The following ERBB4 variants were observed in gnomAD, a reference collection of about 807,000 sequenced individuals.
ERBB4 encodes receptor tyrosine-protein kinase erbB-4.
Under a neutral mutation model 158.0 loss-of-function variants are expected in ERBB4, and 42 were observed. That is an observed-to-expected ratio of 0.27 (90% CI 0.21 to 0.34). The LOEUF is 0.34. Ranked by LOEUF, ERBB4 falls within the 10% of genes least tolerant of loss-of-function variation. The pLI, the probability that ERBB4 is intolerant of heterozygous loss-of-function variation, is 1.00. For missense variants in ERBB4, 1,333 were observed against 1,624.1 expected, an observed-to-expected ratio of 0.82 and a Z score of 3.08; for synonymous variants, 583 against 558.7, an observed-to-expected ratio of 1.04 and a Z score of -0.61.
intron 20 of ERBB4, among the ~76,000 whole-genome samples, chr2:211,454,242 T>A (rs1309288992): frequency 6.6e-6 from 1 of 152,198 alleles, no homozygotes; most frequent in Non-Finnish European, 1.5e-5. Context: ...ATGTGGAATA[T>A]CTTCCATTAA....
At chr2:212,147,149 C>T (rs1394123178) in intron 1 of ERBB4, among the ~76,000 whole-genome samples, 2 of 132,334 alleles carry the variant, frequency 1.5e-5, no homozygotes, top group African/African-American at 5.9e-5. Flanking sequence ...TGCCACCATG[C>T]CCAGCTAATT....
At chr2:211,899,423 T>C (rs2079178051) in intron 3 of ERBB4, among the ~76,000 whole-genome samples, 2 of 152,106 alleles carry the variant, frequency 1.3e-5, no homozygotes, top group African/African-American at 4.8e-5. Context: ...CCAGTAACAT[T>C]TTATATGACA....
intron 1 of ERBB4, among the ~76,000 whole-genome samples, chr2:212,465,483 T>G (rs113352505): frequency 0.022 from 3,302 of 152,252 alleles, 58 homozygotes; most frequent in Non-Finnish European, 0.036. Context: ...TACAAAGTGT[T>G]TTCCTACAAA....
intron 16 of ERBB4, among the ~76,000 whole-genome samples, chr2:211,638,273 A>G (rs2125888465): frequency 6.6e-6 from 1 of 152,202 alleles, no homozygotes; most frequent in South Asian, 2.1e-4. Flanking sequence ...GCCTTCCCCA[A>G]AACAGTTCAG....
intron 1 of ERBB4, among the ~76,000 whole-genome samples, chr2:212,398,802 C>A (rs964785355): frequency 6.6e-6 from 1 of 152,040 alleles, no homozygotes; most frequent in East Asian, 1.9e-4. Context: ...ATTACACCAA[C>A]TCATTGATTC....
intron 3 of ERBB4, among the ~76,000 whole-genome samples, chr2:211,877,788 TTC>T (rs2078548463): frequency 6.6e-6 from 1 of 152,202 alleles, no homozygotes; most frequent in African/African-American, 2.4e-5. Context: ...ATTGTATGTC[TTC>T]AAATTTACTA....
At chr2:211,861,111 T>TATATAA (rs1402376095) in intron 3 of ERBB4, among the ~76,000 whole-genome samples, 1 of 21,532 alleles carries the variant, frequency 4.6e-5, no homozygotes, top group Non-Finnish European at 7.7e-5. Flanking sequence ...TTATATATAT[T>TATATAA]TATATATATA....
chr2:212,190,711 C>T (rs1333099094), intron 1 of ERBB4, among the ~76,000 whole-genome samples: 1 of 152,002 alleles, frequency 6.6e-6, no homozygotes, highest in African/African-American at 2.4e-5. Context: ...AGAGAAGAAA[C>T]CCTGTTAATC....
chr2:212,437,074 G>A (rs868329520), intron 1 of ERBB4, among the ~76,000 whole-genome samples: 64 of 151,948 alleles, frequency 4.2e-4, no homozygotes, highest in African/African-American at 1.3e-3. Context: ...CTCAGGGCAA[G>A]GTAAATTATC....
At chr2:212,160,799 T>C (rs1212827830) in intron 1 of ERBB4, among the ~76,000 whole-genome samples, 1 of 152,026 alleles carries the variant, frequency 6.6e-6, no homozygotes, top group Non-Finnish European at 1.5e-5. Context: ...CCTGATGATC[T>C]CTTCTTAATT....
chr2:212,226,136 A>C (rs1409382549), intron 1 of ERBB4, among the ~76,000 whole-genome samples: 2 of 152,118 alleles, frequency 1.3e-5, no homozygotes, highest in Non-Finnish European at 2.9e-5. Flanking sequence ...CTGTCTACGG[A>C]GGAAGCTATA....
Position 211,744,955 on chromosome 2 carries a change from G to A in ERBB4, c.622+5684C>T, listed in dbSNP as rs542281859. Reference sequence around the variant, plus strand: ...ATTTATTTTAGTCATAGGGAAATAGGTCATTTGTAAATAACATCTGATTGT... The same window carrying A: ...ATTTATTTTAGTCATAGGGAAATAGATCATTTGTAAATAACATCTGATTGT... On this transcript the variant is annotated intron_variant, in intron 5 of 27. Coordinates refer to ENST00000342788, the MANE Select transcript of ERBB4 (RefSeq NM_005235.3). Among the ~76,000 whole-genome samples the A allele has an allele frequency of 4.6e-5, 7 of 152,290 alleles. No individual in the cohort carries two copies. In the South Asian group the frequency reaches 8.3e-4, roughly 18 times the overall value.
At chr2:212,291,235 T>C (rs763173841) in intron 1 of ERBB4, among the ~76,000 whole-genome samples, 17 of 152,132 alleles carry the variant, frequency 1.1e-4, no homozygotes, top group Admixed American at 2.6e-4. Context: ...ACACTTCCTA[T>C]AGACTCATGG....
intron 1 of ERBB4, among the ~76,000 whole-genome samples, chr2:212,258,894 A>C (rs907137514): frequency 2.0e-5 from 3 of 152,018 alleles, no homozygotes; most frequent in Admixed American, 6.6e-5. Flanking sequence ...TCAAACAATG[A>C]TCATCTTAGA....
chr2:212,510,096 C>T (rs1243728578), intron 1 of ERBB4, among the ~76,000 whole-genome samples: 2 of 149,516 alleles, frequency 1.3e-5, no homozygotes, highest in East Asian at 2.0e-4. Flanking sequence ...ACATACAGAA[C>T]GTTTAACTAC....
chr2:212,216,322 G>A (rs1462722169), intron 1 of ERBB4, among the ~76,000 whole-genome samples: 4 of 151,258 alleles, frequency 2.6e-5, no homozygotes, highest in African/African-American at 4.8e-5. Flanking sequence ...AATGCAATAT[G>A]TATCAAATAT....
intron 1 of ERBB4, among the ~76,000 whole-genome samples, chr2:212,369,214 G>T (rs1449543955): frequency 2.0e-5 from 3 of 152,148 alleles, no homozygotes. Context: ...TAAATTGCAT[G>T]ATTATATAAA....
intron 3 of ERBB4, among the ~76,000 whole-genome samples, chr2:211,855,723 A>G (rs1367673914): frequency 6.6e-6 from 1 of 152,150 alleles, no homozygotes; most frequent in Non-Finnish European, 1.5e-5. Flanking sequence ...CTTAATATCC[A>G]GTAGTTTTAG....
At chr2:211,879,069 C>T (rs138095746) in intron 3 of ERBB4, among the ~76,000 whole-genome samples, 6 of 152,162 alleles carry the variant, frequency 3.9e-5, no homozygotes, top group African/African-American at 1.4e-4. Flanking sequence ...TTGGTAAATG[C>T]TGGGGCTATC....
Sources: allele counts gnomAD v4.1 joint callset (sites outside exome capture counted in the v4.1 genomes callset), GRCh38; gene constraint gnomAD v4.1.1; transcripts MANE v1.5; gene names NCBI Gene and HGNC (gene_info 2026-07-23, HGNC 2026-07-21).